MICAL3: variants seen among roughly 807,000 people sequenced by gnomAD.
The protein encoded by MICAL3 is [F-actin]-monooxygenase MICAL3.
Under a neutral mutation model 207.4 loss-of-function variants are expected in MICAL3, and 62 were observed. The observed-to-expected ratio is 0.30, with a 90% confidence interval of 0.24 to 0.37. The LOEUF (loss-of-function observed/expected upper bound fraction) is 0.37, where lower values mean the gene tolerates loss of function less well. MICAL3 is among the 10% of genes least tolerant of loss of function. The pLI, the probability that MICAL3 is intolerant of heterozygous loss-of-function variation, is 1.00. For missense variants in MICAL3, 2,368 were observed against 2,635.6 expected (o/e 0.90, Z 2.22); for synonymous variants, 1,077 against 1,069.3 (o/e 1.01, Z -0.14).
At position 17,793,263 on chromosome 22, in the gene MICAL3, A is replaced by C. The variant is rs2061843487; in HGVS notation, c.5651-1962T>G. 6.6e-6 allele frequency among the ~76,000 whole-genome samples: 1 copy of C among 152,038 alleles called. No individual in the cohort carries two copies. Among genetic ancestry groups the C allele is most frequent in the South Asian group, 2.1e-4 (1 of 4,822 alleles). On this transcript the variant is annotated intron_variant, in intron 29 of 31. Coordinates refer to ENST00000441493, the MANE Select transcript of MICAL3 (RefSeq NM_015241.3). The surrounding 1 kb of genome is among the most constrained non-coding windows in gnomAD (Gnocchi z 4.1). ...CAAATCAGACAAACTTAAAACACGCACACTCAGCAAGACACGAGGTAGAGA... is the reference window on the plus strand; with the variant it reads ...CAAATCAGACAAACTTAAAACACGCCCACTCAGCAAGACACGAGGTAGAGA...
intron 1 of MICAL3, among the ~76,000 whole-genome samples, chr22:17,956,188 T>A (rs1934605152): frequency 6.6e-6 from 1 of 152,164 alleles, no homozygotes; most frequent in Non-Finnish European, 1.5e-5. Flanking sequence ...TGCTGCATGC[T>A]CATCCAGAGC....
chr22:18,012,166 C>T (rs577930197), intron 1 of MICAL3, among the ~76,000 whole-genome samples: 2 of 151,890 alleles, frequency 1.3e-5, no homozygotes, highest in Non-Finnish European at 2.9e-5. Context: ...ACTTGGGAGA[C>T]GAAGTTTGCA....
At chr22:17,914,602 T>C (rs1292805318) in intron 1 of MICAL3, among the ~76,000 whole-genome samples, 3 of 152,134 alleles carry the variant, frequency 2.0e-5, no homozygotes, top group Non-Finnish European at 4.4e-5. Flanking sequence ...GCCAGGAAGA[T>C]AGCTGCCCAG....
intron 16 of MICAL3, among the ~76,000 whole-genome samples, chr22:17,874,196 A>T (rs1485945488): frequency 3.3e-5 from 5 of 152,212 alleles, no homozygotes; most frequent in Non-Finnish European, 5.9e-5. Flanking sequence ...ATTCCCAAGG[A>T]TTGGTGCCAT....
chr22:17,976,591 T>TA (rs1935665198), intron 1 of MICAL3, among the ~76,000 whole-genome samples: 59 of 102,124 alleles, frequency 5.8e-4, no homozygotes, highest in East Asian at 1.2e-3. Flanking sequence ...ATATATATAT[T>TA]TTTTTTTTTT....
chr22:17,878,145 A>G (rs1411057852), intron 16 of MICAL3, among the ~76,000 whole-genome samples: 2 of 149,958 alleles, frequency 1.3e-5, no homozygotes, highest in South Asian at 2.1e-4. Context: ...GAGCCACCGC[A>G]CCCGGCCTTC....
intron 1 of MICAL3, among the ~76,000 whole-genome samples, chr22:17,918,659 G>A (rs970564931): frequency 1.3e-5 from 2 of 151,310 alleles, no homozygotes; most frequent in Non-Finnish European, 3.0e-5. Flanking sequence ...CCATACACAC[G>A]CCTTCCCTCT....
At chr22:17,910,999 AGTG>A (rs1932102778) in intron 1 of MICAL3, among the ~76,000 whole-genome samples, 1 of 138,232 alleles carries the variant, frequency 7.2e-6, no homozygotes, top group South Asian at 2.3e-4. Flanking sequence ...GGGTAGAGGA[AGTG>A]AGGAGCCGGG....
intron 29 of MICAL3, among the ~76,000 whole-genome samples, chr22:17,806,302 C>A (rs5992849): frequency 0.028 from 4,254 of 152,294 alleles, 76 homozygotes; most frequent in African/African-American, 0.056. Context: ...CGCCTGTCAG[C>A]GAGTCCCTTT....
At chr22:17,820,728 C>CCA in intron 25 of MICAL3, among the ~76,000 whole-genome samples, 1 of 151,714 alleles carries the variant, frequency 6.6e-6, no homozygotes, top group East Asian at 1.9e-4. Context: ...ATCAAACCAA[C>CCA]CATCCCATCG....
chr22:17,866,673 A>AAT (rs1556038210), intron 17 of MICAL3, among the ~76,000 whole-genome samples: 3 of 138,752 alleles, frequency 2.2e-5, no homozygotes, highest in Non-Finnish European at 3.2e-5. Context: ...TAGAATATAG[A>AAT]ATAGAATAGA....
At chr22:17,994,282 AG>A (rs937845468) in intron 1 of MICAL3, among the ~76,000 whole-genome samples, 1 of 152,182 alleles carries the variant, frequency 6.6e-6, no homozygotes, top group African/African-American at 2.4e-5. Context: ...TCCACGCTAA[AG>A]GGTAGCTGCC....
rs1220698521 is a variant in MICAL3, at chr22:17,811,116, C to T, written c.5446-303G>A. 2.1e-4 allele frequency: 63 copies of T among 294,940 alleles called. No individual in the cohort carries two copies. In the East Asian group the frequency reaches 4.1e-3, roughly 19 times the overall value. 18.3% of individuals were successfully genotyped at this position (294,940 alleles called of 1,614,324 possible). ...CAGGGACAGGAGGCTGAGTGGGGAC[C>T]GACTGTTAGGCAGTTAAAACAATAA... On this transcript the variant is annotated intron_variant, in intron 27 of 31. Transcript: ENST00000441493.
At chr22:17,790,971 C>A in intron 31 of MICAL3, 27 bp downstream of exon 31, 1 of 1,612,872 alleles carries the variant, frequency 6.2e-7, no homozygotes, top group East Asian at 2.2e-5. Flanking sequence ...CCCACCCTGG[C>A]CTCCATGGGT....
At chr22:17,970,378 G>A (rs1254137074) in intron 1 of MICAL3, among the ~76,000 whole-genome samples, 2 of 152,150 alleles carry the variant, frequency 1.3e-5, no homozygotes, top group African/African-American at 2.4e-5. Flanking sequence ...TTGAGTGAGC[G>A]GCTGACCAGC....
At chr22:17,833,567 C>T (rs450975) in intron 20 of MICAL3, among the ~76,000 whole-genome samples, 37,068 of 152,176 alleles carry the variant, frequency 0.24, 4,758 homozygotes, top group Non-Finnish European at 0.29. Flanking sequence ...TCGCCTTGTC[C>T]AAAGAGAGGA....
At chr22:17,802,440 G>A (rs953967629) in intron 29 of MICAL3, among the ~76,000 whole-genome samples, 6 of 152,206 alleles carry the variant, frequency 3.9e-5, no homozygotes, top group African/African-American at 7.2e-5. Flanking sequence ...TGGGAAAAGC[G>A]TCTGTTAATT....
At chr22:17,923,526 C>T (rs1424095585) in intron 1 of MICAL3, among the ~76,000 whole-genome samples, 1 of 152,254 alleles carries the variant, frequency 6.6e-6, no homozygotes, top group Non-Finnish European at 1.5e-5. Context: ...AAGATGCCAG[C>T]ACCTGATGGC....
intron 10 of MICAL3, among the ~76,000 whole-genome samples, chr22:17,894,652 C>T (rs961768495): frequency 1.5e-4 from 22 of 151,432 alleles, no homozygotes; most frequent in Admixed American, 2.6e-4. Flanking sequence ...CAAAAATTAG[C>T]CAGGCGTGGA....
Sources: allele counts gnomAD v4.1 joint callset (sites outside exome capture counted in the v4.1 genomes callset), GRCh38; gene constraint gnomAD v4.1.1; non-coding constraint Gnocchi (gnomAD v3.1); transcripts MANE v1.5; gene names NCBI Gene and HGNC (gene_info 2026-07-23, HGNC 2026-07-21).